The following LACTBL1 variants were observed in gnomAD, a reference collection of about 807,000 sequenced individuals.
LACTBL1 encodes the protein beta-lactamase-like protein 1.
Under a neutral mutation model 39.6 loss-of-function variants are expected in LACTBL1, and 29 were observed. The ratio of observed to expected loss-of-function variants is 0.73; its 90% CI spans 0.55 to 1.00. The LOEUF (loss-of-function observed/expected upper bound fraction) is 1.00. Ranked by LOEUF, LACTBL1 falls within the 50% of genes least tolerant of loss-of-function variation. The probability of loss-of-function intolerance (pLI) is 0.00; values close to 1 mark genes in which losing one functional copy is unlikely to be tolerated. For synonymous variants in LACTBL1, 361 were observed against 360.7 expected, an observed-to-expected ratio of 1.00 and a Z score of -0.01; for missense variants, 711 against 748.5, an observed-to-expected ratio of 0.95 and a Z score of 0.59.
chr1:22,958,816 G>A, exon 4 of LACTBL1: 1 of 1,550,702 alleles, frequency 6.4e-7, no homozygotes, highest in Non-Finnish European at 8.7e-7. Flanking sequence ...AATGGTGAAG[G>A]TGCTGGCATA....
chr1:22,959,974 A>G, exon 3 of LACTBL1: 1 of 1,551,164 alleles, frequency 6.4e-7, no homozygotes, highest in South Asian at 1.2e-5. Context: ...GGGCCCCAGA[A>G]GCCGGGTCTG....
At chr1:22,967,205 C>CA (rs1640888656), upstream of LACTBL1, among the ~76,000 whole-genome samples, 1 of 151,962 alleles carries the variant, frequency 6.6e-6, no homozygotes, top group South Asian at 2.1e-4. Context: ...TTCGCCTCTA[C>CA]AAAAAATACA....
At chr1:22,963,868 T>A (rs1053506165) in intron 1 of LACTBL1, among the ~76,000 whole-genome samples, 1 of 152,124 alleles carries the variant, frequency 6.6e-6, no homozygotes, top group African/African-American at 2.4e-5. Context: ...CGTCTTCCAC[T>A]GTGCCCTGAG....
At chr1:22,967,235 G>A (rs1640888785), upstream of LACTBL1, among the ~76,000 whole-genome samples, 1 of 152,106 alleles carries the variant, frequency 6.6e-6, no homozygotes, top group Non-Finnish European at 1.5e-5. Flanking sequence ...CAGGTATAGT[G>A]GTGTGTGCCT....
chr1:22,965,208 A>G, intron 1 of LACTBL1, 82 bp downstream of exon 3: 7 of 1,191,024 alleles, frequency 5.9e-6, no homozygotes, highest in Non-Finnish European at 7.6e-6. Context: ...TCCCCTACAC[A>G]CTAGAATCAG....
intron 1 of LACTBL1, among the ~76,000 whole-genome samples, chr1:22,963,476 A>T (rs900087349): frequency 6.6e-6 from 1 of 152,122 alleles, no homozygotes; most frequent in African/African-American, 2.4e-5. Context: ...TTGCTTAACC[A>T]GCTTCCCATC....
rs184650744 is a variant in LACTBL1, at chr1:22,956,151, T to A, written c.554-725A>T. ...ACTCTGGGAGGCTGAGGCGGGAGGA[T>A]CACTTGAGGCCTGGAGTTTGAGACC... On this transcript the variant is annotated intron_variant, in intron 4 of 5. Transcript: ENST00000426928. Among the ~76,000 whole-genome samples the A allele has an allele frequency of 5.3e-5, 8 of 150,524 alleles. No individual in the cohort carries two copies. In the East Asian group the frequency reaches 9.9e-4, roughly 19 times the overall value.
chr1:22,958,900 A>G, exon 4 of LACTBL1: 7 of 1,549,040 alleles, frequency 4.5e-6, no homozygotes, highest in Non-Finnish European at 4.4e-6. Flanking sequence ...GACAGGAAAG[A>G]TCTTGGAGAT....
exon 2 of LACTBL1, chr1:22,963,178 T>C: frequency 1.5e-6 from 2 of 1,332,292 alleles, no homozygotes; most frequent in East Asian, 3.1e-5. Context: ...CGGGGACACA[T>C]CCTCACAGGG....
At chr1:22,954,972 C>G (rs1035322089) in intron 5 of LACTBL1, among the ~76,000 whole-genome samples, 1 of 152,214 alleles carries the variant, frequency 6.6e-6, no homozygotes, top group African/African-American at 2.4e-5. Context: ...TCCAACCTGG[C>G]AAAATCTGTA....
chr1:22,953,948 G>A, exon 6 of LACTBL1: 1 of 1,550,224 alleles, frequency 6.5e-7, no homozygotes, highest in Non-Finnish European at 8.7e-7. Context: ...GAGACCCAGC[G>A]CTGGTAGTCG....
chr1:22,972,579 G>A, the LACTBL1 span: 110 of 299,368 alleles, frequency 3.7e-4, no homozygotes, highest in Non-Finnish European at 9.9e-5. Flanking sequence ...CAGGTGACCC[G>A]GCATCCCAGT....
upstream of LACTBL1, chr1:22,965,495 C>T (rs2124239399): frequency 1.1e-6 from 1 of 893,394 alleles, no homozygotes; most frequent in South Asian, 5.1e-5. Flanking sequence ...GACCCTAACC[C>T]TGGCCCCTCC....
upstream of LACTBL1, among the ~76,000 whole-genome samples, chr1:22,966,417 G>A (rs993711249): frequency 3.9e-5 from 6 of 152,144 alleles, no homozygotes; most frequent in Non-Finnish European, 5.9e-5. Context: ...TCCTACAAAC[G>A]TGGTATTTCT....
chr1:22,964,489 G>T (rs1408600187), intron 1 of LACTBL1, among the ~76,000 whole-genome samples: 4 of 152,192 alleles, frequency 2.6e-5, no homozygotes, highest in African/African-American at 9.7e-5. Flanking sequence ...GCACCAGAGA[G>T]AGCCCAAGCT....
chr1:22,953,508 C>T, exon 6 of LACTBL1: 1 of 1,232,614 alleles, frequency 8.1e-7, no homozygotes, highest in Non-Finnish European at 1.0e-6. Flanking sequence ...CGGGCCCGGG[C>T]GGCCGTGGCC....
chr1:22,972,275 T>C, the LACTBL1 span: 6 of 984,338 alleles, frequency 6.1e-6, no homozygotes, highest in South Asian at 4.7e-5. Flanking sequence ...AGCTGACACA[T>C]GGTGACAGCT....
At chr1:22,959,576 T>C (rs1312401953) in intron 3 of LACTBL1, among the ~76,000 whole-genome samples, 1 of 152,236 alleles carries the variant, frequency 6.6e-6, no homozygotes, top group African/African-American at 2.4e-5. Flanking sequence ...GGGCCACTGC[T>C]GCCACTTGAC....
At chr1:22,972,190 TGAA>T in the LACTBL1 span, 49 of 163,160 alleles carry the variant, frequency 3.0e-4, no homozygotes, top group African/African-American at 1.2e-3. Context: ...ATGATGATGA[TGAA>T]GGTAACGTGG....
Sources: allele counts gnomAD v4.1 joint callset (sites outside exome capture counted in the v4.1 genomes callset), GRCh38; gene constraint gnomAD v4.1.1; transcripts MANE v1.5; gene names NCBI Gene and HGNC (gene_info 2026-07-23, HGNC 2026-07-21).